The following DEFB124 variants were observed in gnomAD, a reference collection of about 807,000 sequenced individuals.
DEFB124 encodes beta-defensin 124.
For missense variants in DEFB124, 78 were observed against 83.1 expected, an observed-to-expected ratio of 0.94 and a Z score of 0.24; for synonymous variants, 38 against 36.5, an observed-to-expected ratio of 1.04 and a Z score of -0.15.
At chr20:31,470,611 C>T (rs1457256586) in intron 2 of DEFB124, among the ~76,000 whole-genome samples, 11 of 53,594 alleles carry the variant, frequency 2.1e-4, no homozygotes, top group Admixed American at 3.1e-4. Flanking sequence ...GGCTGACCCC[C>T]CCCCCCACCT....
At chr20:31,466,711 A>G (rs1389068086) in intron 2 of DEFB124, among the ~76,000 whole-genome samples, 1 of 151,434 alleles carries the variant, frequency 6.6e-6, no homozygotes, top group Non-Finnish European at 1.5e-5. Flanking sequence ...CACCCATTAC[A>G]TAAACTGCCC....
chr20:31,466,811 G>A (rs2122444661), intron 2 of DEFB124, among the ~76,000 whole-genome samples: 1 of 151,964 alleles, frequency 6.6e-6, no homozygotes, highest in Middle Eastern at 3.4e-3. Context: ...GGGGCAACAG[G>A]TCCTTTGCTC....
chr20:31,470,836 T>C (rs1195188301), intron 2 of DEFB124, among the ~76,000 whole-genome samples: 168 of 53,832 alleles, frequency 3.1e-3, no homozygotes, highest in Admixed American at 5.0e-3. Flanking sequence ...GGGGTGCTGA[T>C]CCCCCCACCT....
chr20:31,473,200 G>A (rs1252797880), intron 1 of DEFB124, among the ~76,000 whole-genome samples, 162 bp from the exon 2 acceptor site: 6 of 152,184 alleles, frequency 3.9e-5, no homozygotes, highest in South Asian at 2.1e-4. Flanking sequence ...AGCCAGCTAC[G>A]TGGGAACTGG....
chr20:31,474,506 C>G (rs972671480), intron 1 of DEFB124, among the ~76,000 whole-genome samples, 121 bp downstream of exon 1: 3 of 152,218 alleles, frequency 2.0e-5, no homozygotes, highest in Admixed American at 6.5e-5. Context: ...TCCATGGGCT[C>G]CACACACAGA....
In DEFB124 at chr20:31,472,185, G is replaced by A. The variant is rs1434720804; in HGVS notation, c.58+771C>T. Among the ~76,000 whole-genome samples, 7 of 152,092 alleles carry A rather than the reference G, an allele frequency of 4.6e-5. No individual in the cohort carries two copies. In the South Asian group the frequency reaches 1.4e-3, roughly 31 times the overall value. ...GGAGGCCGAGGCTGGCGGATCACTC[G>A]CGGTTAGGAGCTGGAGACCAGCCCG... is the stretch of plus-strand genomic sequence containing the variant. On this transcript the variant is annotated intron_variant, in intron 2 of 2. Transcript: ENST00000317676.
chr20:31,470,130 C>T (rs1223022957), intron 2 of DEFB124, among the ~76,000 whole-genome samples: 6 of 131,834 alleles, frequency 4.6e-5, no homozygotes, highest in Non-Finnish European at 9.6e-5. Context: ...CAGCGGGGCG[C>T]CTCACTTCCT....
chr20:31,474,190 C>T (rs1281168790), intron 1 of DEFB124, among the ~76,000 whole-genome samples: 1 of 152,066 alleles, frequency 6.6e-6, no homozygotes, highest in African/African-American at 2.4e-5. Flanking sequence ...AAACTGAAAC[C>T]CAAAGAGGGA....
chr20:31,465,533 T>C lies in DEFB124; in HGVS notation c.189A>G (p.Pro63=). The change falls in exon 3 of 3, where the codon CCA becomes CCG. Residue 63 remains proline (P), a synonymous_variant. Transcript: ENST00000317676. ...LCCLSYALKP[P]PVPKHEYE ...ACTCATATTCATGCTTGGGGACCGG[T>C]GGAGGTTTCAATGCATAGGAGAGAC... is the stretch of plus-strand genomic sequence containing the variant. 6.2e-7 allele frequency: 1 copy of C among 1,613,994 alleles called. No individual in the cohort carries two copies. The highest frequency in any genetic ancestry group is 8.5e-7 in the Non-Finnish European group (1 of 1,180,014).
chr20:31,466,867 A>T (rs1360773091), intron 2 of DEFB124, among the ~76,000 whole-genome samples: 1 of 152,074 alleles, frequency 6.6e-6, no homozygotes, highest in Non-Finnish European at 1.5e-5. Flanking sequence ...CCTGTCCTTC[A>T]TTTATTCACT....
At chr20:31,473,066 G>C (rs1227792353) in intron 1 of DEFB124, 28 bp from the exon 2 acceptor site, 5 of 1,597,080 alleles carry the variant, frequency 3.1e-6, no homozygotes, top group Middle Eastern at 1.8e-4. Flanking sequence ...GGAAAGACCC[G>C]AGCAGGCTGA....
rs767074127 is a variant in DEFB124 at position 31,472,967 on chromosome 20, T to C, written c.47A>G (p.His16Arg). ...CACGATGTTGTTACCTGATGGCACA[T>C]GACCCAGAACCAGGAGAGCCACAAG... The part of the protein sequence containing the change: ...LFLVALLVLG[H>R]VPSGRSEFKR... Residue 16 changes from histidine (H) to arginine (R), a missense_variant, in exon 2 of 3, where the codon CAT (histidine) becomes CGT (arginine). His to Arg is a conservative substitution (Grantham distance 29). Coordinates refer to ENST00000317676, the MANE Select transcript of DEFB124 (RefSeq NM_001037500.2). 6.2e-7 allele frequency: 1 copy of C among 1,613,744 alleles called. No individual in the cohort carries two copies. The highest frequency in any genetic ancestry group is 1.3e-5 in the African/African-American group (1 of 74,808).
intron 2 of DEFB124, among the ~76,000 whole-genome samples, chr20:31,470,930 G>C (rs1237117332): frequency 1.5e-5 from 2 of 135,352 alleles, no homozygotes; most frequent in African/African-American, 2.8e-5. Context: ...CGGCAGAGGG[G>C]CTCCTCACTT....
chr20:31,470,937 A>G (rs1488371738), intron 2 of DEFB124, among the ~76,000 whole-genome samples: 19 of 111,602 alleles, frequency 1.7e-4, no homozygotes, highest in South Asian at 3.2e-4. Flanking sequence ...GGGGCTCCTC[A>G]CTTCCCAGTA....
Position 31,474,915 on chromosome 20 carries a change from C to T in DEFB124, c.-314G>A, listed in dbSNP as rs1268344469. On this transcript the variant is annotated 5_prime_UTR_variant, in exon 1 of 3. Transcript: ENST00000317676. ...AAACGCAGATTCCCGAACCCCTCCC[C>T]CAGCACCGTGGAATCCGCCTCTCTT... 6.6e-6 allele frequency among the ~76,000 whole-genome samples: 1 copy of T among 152,186 alleles called. No homozygotes were observed. Among genetic ancestry groups the T allele is most frequent in the Non-Finnish European group, 1.5e-5 (1 of 68,032 alleles).
chr20:31,466,406 C>A (rs534317424), intron 2 of DEFB124, among the ~76,000 whole-genome samples: 211 of 151,874 alleles, frequency 1.4e-3, no homozygotes, highest in Non-Finnish European at 2.5e-3. Flanking sequence ...TCGAGACCAG[C>A]CTGGCCAACA....
chr20:31,471,095 C>T (rs1459349013), intron 2 of DEFB124, among the ~76,000 whole-genome samples: 1 of 133,370 alleles, frequency 7.5e-6, no homozygotes, highest in East Asian at 2.4e-4. Flanking sequence ...GGCTGACCCC[C>T]CCACCTCCCT....
At chr20:31,468,062 C>G (rs532360565) in intron 2 of DEFB124, among the ~76,000 whole-genome samples, 1 of 152,258 alleles carries the variant, frequency 6.6e-6, no homozygotes, top group African/African-American at 2.4e-5. Flanking sequence ...CCAAGAAATA[C>G]TCTTAGCACA....
chr20:31,471,135 G>T (rs1266488273), intron 2 of DEFB124, among the ~76,000 whole-genome samples: 1 of 129,290 alleles, frequency 7.7e-6, no homozygotes, highest in Non-Finnish European at 1.7e-5. Context: ...CGGGCGGGGG[G>T]TTGACCCCCC....
Sources: gnomAD v4.1 joint callset for allele counts (sites outside exome capture counted in the v4.1 genomes callset) on GRCh38, gnomAD v4.1.1 for gene constraint, MANE v1.5 for transcripts, NCBI Gene and HGNC (gene_info 2026-07-23, HGNC 2026-07-21) for gene names.